Variants in DLGAP1 observed in about 807,000 individuals in gnomAD.
DLGAP1 encodes the protein disks large-associated protein 1.
In DLGAP1, 11 loss-of-function variants were observed where a neutral mutation model predicts 90.8. The observed-to-expected ratio is 0.12, with a 90% CI of 0.08 to 0.20. The LOEUF is 0.20. Among genes scored for constraint, DLGAP1 ranks in the 10% least tolerant of loss-of-function variants. DLGAP1 has a pLI of 1.00. For missense variants in DLGAP1, 1,050 were observed against 1,333.8 expected (o/e 0.79, Z 3.31); for synonymous variants, 558 against 540.7 (o/e 1.03, Z -0.44).
At chr18:3,592,762 T>A (rs1393363366) in intron 7 of DLGAP1, among the ~76,000 whole-genome samples, 1 of 141,836 alleles carries the variant, frequency 7.1e-6, no homozygotes, top group Non-Finnish European at 1.5e-5. Flanking sequence ...GAGGATCACT[T>A]GAGCTTGGGA....
chr18:3,948,831 G>A (rs1187770248), intron 3 of DLGAP1, among the ~76,000 whole-genome samples: 4 of 151,948 alleles, frequency 2.6e-5, no homozygotes, highest in Non-Finnish European at 5.9e-5. Flanking sequence ...TATACTGCTC[G>A]GGTGATGGGT....
chr18:4,192,587 T>C (rs1000960158), intron 1 of DLGAP1, among the ~76,000 whole-genome samples: 1 of 152,210 alleles, frequency 6.6e-6, no homozygotes, highest in Non-Finnish European at 1.5e-5. Flanking sequence ...GTAACCTCTT[T>C]TGATCTTTCC....
At chr18:4,273,287 C>G (rs920830349) in intron 1 of DLGAP1, among the ~76,000 whole-genome samples, 1 of 152,182 alleles carries the variant, frequency 6.6e-6, no homozygotes, top group African/African-American at 2.4e-5. Flanking sequence ...ATGCACCCTG[C>G]CTCTCCCGCT....
At position 4,452,478 on chromosome 18, in the gene DLGAP1, TA is replaced by T. The variant is rs1555621103; in HGVS notation, c.-267+2527del. Among the ~76,000 whole-genome samples the T allele has an allele frequency of 1.1e-4, 16 of 151,962 alleles. No individual in the cohort carries two copies. The East Asian group carries it at 2.7e-3, about 26-fold the overall frequency. ...CTCTTCCAAGTTTTAATTTTATATTTAAAAAAAATCAATCTAAATGGCTATA... is the reference window on the plus strand; with the variant it reads ...CTCTTCCAAGTTTTAATTTTATATTTAAAAAAATCAATCTAAATGGCTATA... On this transcript the variant is annotated intron_variant, in intron 1 of 12. Coordinates refer to ENST00000315677, the MANE Select transcript of DLGAP1 (RefSeq NM_004746.4).
chr18:3,812,877 T>C (rs1454826536), intron 5 of DLGAP1, among the ~76,000 whole-genome samples: 3 of 152,240 alleles, frequency 2.0e-5, no homozygotes, highest in African/African-American at 7.2e-5. Context: ...CCTTTTAATA[T>C]TTTATTTAGT....
chr18:3,709,815 C>G (rs2061547134), intron 7 of DLGAP1, among the ~76,000 whole-genome samples: 1 of 152,142 alleles, frequency 6.6e-6, no homozygotes, highest in Non-Finnish European at 1.5e-5. Context: ...TGATATTCCT[C>G]TTTTCTCTGC....
In DLGAP1 at chr18:3,582,216, G is replaced by A; in HGVS notation, c.1624C>T (p.Pro542Ser). The change falls in exon 8 of 13, where the codon CCA becomes TCA. Residue 542 changes from proline (P) to serine (S), a missense_variant. Around this residue, in one of 2 missense-constraint regions of DLGAP1, gnomAD observed 565 missense variants for 879.7 expected, o/e 0.64. Coordinates refer to ENST00000315677, the MANE Select transcript of DLGAP1 (RefSeq NM_004746.4). ...SSCITTYKKT[P>S]PPVPPRTTTK... Reference sequence around the variant, plus strand: ...GTAGTTCTGGGTGGGACTGGAGGTGGTGTCTTCTTATATGTTGTAATGCAA... The same window carrying A: ...GTAGTTCTGGGTGGGACTGGAGGTGATGTCTTCTTATATGTTGTAATGCAA... 1 of 1,614,040 alleles carries A rather than the reference G, an allele frequency of 6.2e-7. No homozygotes were observed. Among genetic ancestry groups the A allele is most frequent in the Non-Finnish European group, 8.5e-7 (1 of 1,180,010 alleles).
chr18:4,154,068 C>T (rs753612122), intron 1 of DLGAP1, among the ~76,000 whole-genome samples: 72 of 151,894 alleles, frequency 4.7e-4, no homozygotes, highest in African/African-American at 1.2e-3. Context: ...CTCATGTATC[C>T]GTAAGAGATA....
intron 7 of DLGAP1, among the ~76,000 whole-genome samples, chr18:3,668,942 C>G (rs1462842620): frequency 6.6e-6 from 1 of 151,962 alleles, no homozygotes; most frequent in African/African-American, 2.4e-5. Flanking sequence ...CGAGATCGCG[C>G]CACTGCACTC....
At position 3,628,253 on chromosome 18, in the gene DLGAP1, G is replaced by A. The variant is rs532731596; in HGVS notation, c.1592-46005C>T. On this transcript the variant is annotated intron_variant, in intron 7 of 12. Transcript: ENST00000315677. ...CACCTAGGCTGGAGTGCAGTGGTGT[G>A]ATCTTGGCTCGCTGTAACCTCTGCC... is the stretch of plus-strand genomic sequence containing the variant. Among the ~76,000 whole-genome samples, 3 of 148,344 alleles carry A rather than the reference G, an allele frequency of 2.0e-5. No homozygotes were observed. The South Asian group carries it at 6.4e-4, about 32-fold the overall frequency.
At chr18:4,120,767 T>C (rs1354768187) in intron 2 of DLGAP1, among the ~76,000 whole-genome samples, 1 of 138,366 alleles carries the variant, frequency 7.2e-6, no homozygotes, top group African/African-American at 3.1e-5. Flanking sequence ...TCCTCCTCCC[T>C]TTCTCTTTCT....
intron 5 of DLGAP1, among the ~76,000 whole-genome samples, chr18:3,801,183 C>T (rs997522850): frequency 1.3e-5 from 2 of 152,158 alleles, no homozygotes; most frequent in Non-Finnish European, 2.9e-5. Context: ...TAGGGATCCG[C>T]CCCCAAGACC....
intron 9 of DLGAP1, among the ~76,000 whole-genome samples, chr18:3,545,543 A>G (rs1599154374): frequency 6.6e-6 from 1 of 152,288 alleles, no homozygotes; most frequent in Non-Finnish European, 1.5e-5. Context: ...ATTGCCTATG[A>G]AAAACCTACT....
At chr18:4,079,711 TATAA>T (rs1273071583) in intron 2 of DLGAP1, among the ~76,000 whole-genome samples, 1 of 130,146 alleles carries the variant, frequency 7.7e-6, no homozygotes, top group Non-Finnish European at 1.7e-5. Flanking sequence ...TATATATATA[TATAA>T]AAGAAAATCA....
At chr18:3,582,344 A>C in intron 7 of DLGAP1, 96 bp from the exon 8 acceptor site, 1 of 1,502,778 alleles carries the variant, frequency 6.7e-7, no homozygotes, top group Non-Finnish European at 8.9e-7. Flanking sequence ...GGCACATGAA[A>C]CACACTGAGA....
intron 4 of DLGAP1, 63 bp from the exon 5 acceptor site, chr18:3,814,336 C>A (rs1598854018): frequency 5.8e-4 from 664 of 1,145,864 alleles, no homozygotes; most frequent in Non-Finnish European, 7.4e-4. Flanking sequence ...TTTTCTTTTT[C>A]TTTTTTTTTA....
At chr18:4,411,402 G>T (rs1442348873) in intron 1 of DLGAP1, among the ~76,000 whole-genome samples, 3 of 152,132 alleles carry the variant, frequency 2.0e-5, no homozygotes, top group Non-Finnish European at 2.9e-5. Flanking sequence ...GGTTTGGGTG[G>T]ACTCATAATT....
chr18:4,429,623 CT>C (rs1420110408), intron 1 of DLGAP1, among the ~76,000 whole-genome samples: 1 of 152,188 alleles, frequency 6.6e-6, no homozygotes, highest in African/African-American at 2.4e-5. Flanking sequence ...TTCTTTACCA[CT>C]TGTGTGAGTC....
intron 1 of DLGAP1, among the ~76,000 whole-genome samples, chr18:4,436,999 T>C (rs1222498257): frequency 6.6e-6 from 1 of 152,146 alleles, no homozygotes; most frequent in Admixed American, 6.6e-5. Flanking sequence ...TCTCTAACAA[T>C]AGAAGGAAGA....
Sources: gnomAD v4.1 joint callset for allele counts (sites outside exome capture counted in the v4.1 genomes callset) on GRCh38, gnomAD v4.1.1 for gene constraint, gnomAD v4.1.1 regional missense constraint, MANE v1.5 for transcripts, NCBI Gene and HGNC (gene_info 2026-07-23, HGNC 2026-07-21) for gene names.